The following SMARCA2 variants were observed in gnomAD, a reference collection of about 807,000 sequenced individuals.
The protein encoded by SMARCA2 is SWI/SNF related BAF chromatin remodeling complex subunit ATPase 2.
In SMARCA2, 61 loss-of-function variants were observed where a neutral mutation model predicts 199.8. That is an observed-to-expected ratio of 0.31 (90% CI 0.25 to 0.38). The LOEUF (loss-of-function observed/expected upper bound fraction) is 0.38. Ranked by LOEUF, SMARCA2 falls within the 10% of genes least tolerant of loss-of-function variation. The pLI is 1.00. For synonymous variants in SMARCA2, 935 were observed against 732.0 expected (o/e 1.28, Z -4.48); for missense variants, 1,344 against 2,012.2 (o/e 0.67, Z 6.35).
chr9:2,172,437 T>TG (rs944298527), intron 29 of SMARCA2, among the ~76,000 whole-genome samples: 15 of 98,778 alleles, frequency 1.5e-4, no homozygotes, highest in Non-Finnish European at 2.8e-4. Context: ...GGAGGATGGG[T>TG]GGGGGGGCAG....
chr9:2,084,762 CTATT>C (rs1821728428), intron 17 of SMARCA2, among the ~76,000 whole-genome samples: 3 of 152,094 alleles, frequency 2.0e-5, no homozygotes, highest in South Asian at 2.1e-4. Flanking sequence ...GTTTCTGTGA[CTATT>C]TATTTGAAAC....
intron 29 of SMARCA2, among the ~76,000 whole-genome samples, chr9:2,177,849 G>T (rs969632491): frequency 1.3e-5 from 2 of 152,214 alleles, no homozygotes; most frequent in African/African-American, 4.8e-5. Context: ...ACCGTGCCCG[G>T]CCAGAGGTAG....
chr9:2,164,758 G>A (rs534901529), intron 28 of SMARCA2, among the ~76,000 whole-genome samples: 1 of 152,278 alleles, frequency 6.6e-6, no homozygotes, highest in African/African-American at 2.4e-5. Flanking sequence ...CAGATATTGA[G>A]TAGCTTTTTC....
chr9:2,157,596 T>C (rs1825432838), intron 27 of SMARCA2: 3 of 301,196 alleles, frequency 1.0e-5, no homozygotes, highest in Admixed American at 5.1e-5. Flanking sequence ...TTTCCATGCC[T>C]TGTCTGGATA....
At position 2,115,713 on chromosome 9, in the gene SMARCA2, G is replaced by A; in HGVS notation, c.3457-109G>A. On this transcript the variant is annotated intron_variant, in intron 24 of 33. Transcript: ENST00000349721. This position sits in a 1 kb window ranked among gnomAD's most constrained non-coding sequence, Gnocchi z 6.0. ...AAAATGTAGGCAAAATCTTACCTTA[G>A]TGAAGGTGAAATACAGAACCCTTCC... is the stretch of plus-strand genomic sequence containing the variant. 1 of 800,826 alleles carries A rather than the reference G, an allele frequency of 1.2e-6. No homozygotes were observed. Among genetic ancestry groups the A allele is most frequent in the Non-Finnish European group, 2.0e-6 (1 of 498,052 alleles). 49.6% of individuals were successfully genotyped at this position (800,826 alleles called of 1,614,324 possible). A position where few individuals can be genotyped will look rare whatever the true frequency, so the allele number is the denominator to read the frequency against.
intron 25 of SMARCA2, among the ~76,000 whole-genome samples, chr9:2,117,461 T>C (rs1823263032): frequency 6.6e-6 from 1 of 152,240 alleles, no homozygotes; most frequent in Non-Finnish European, 1.5e-5. Flanking sequence ...GATACAGATA[T>C]GGAGTCAAAT....
chr9:2,139,449 A>G (rs1824362434), intron 27 of SMARCA2, among the ~76,000 whole-genome samples: 1 of 152,192 alleles, frequency 6.6e-6, no homozygotes, highest in Admixed American at 6.5e-5. Context: ...CGAGTCACCA[A>G]CACTGGTGTG....
intron 1 of SMARCA2, among the ~76,000 whole-genome samples, chr9:2,026,187 G>C (rs1818821778): frequency 6.6e-6 from 1 of 152,180 alleles, no homozygotes; most frequent in Non-Finnish European, 1.5e-5. Context: ...CGTTCTATGA[G>C]AGTCCAGATC....
chr9:2,156,414 C>CTTTTTTTTT lies in SMARCA2; in HGVS notation c.3982-5248_3982-5240dup, dbSNP rs57161267. 5.9e-4 allele frequency among the ~76,000 whole-genome samples: 41 copies of CTTTTTTTTT among 69,164 alleles called. 3 individuals are homozygous for CTTTTTTTTT. The highest frequency in any genetic ancestry group is 1.8e-3 in the African/African-American group (26 of 14,336). 45.4% of individuals were successfully genotyped at this position (69,164 alleles called of 152,430 possible). ...ATACCATAAAGTTTACCATTTTAGA[C>CTTTTTTTTT]TTTTTTTTTTTTTTTTTTTTTTTTT... On this transcript the variant is annotated intron_variant, in intron 27 of 33. Transcript: ENST00000349721.
chr9:2,073,701 G>C (rs765184612), intron 12 of SMARCA2, 78 bp downstream of exon 12: 65 of 1,076,294 alleles, frequency 6.0e-5, no homozygotes, highest in Non-Finnish European at 8.9e-5. Context: ...TGTAAGCCCG[G>C]GCCTTGGGTC....
intron 13 of SMARCA2, among the ~76,000 whole-genome samples, chr9:2,077,413 A>T (rs1821375773): frequency 6.6e-6 from 1 of 152,138 alleles, no homozygotes; most frequent in Non-Finnish European, 1.5e-5. Context: ...CGGGTTCTCC[A>T]CCTGCATAAA....
intron 27 of SMARCA2, among the ~76,000 whole-genome samples, chr9:2,154,680 A>G (rs991081503): frequency 6.6e-6 from 1 of 152,204 alleles, no homozygotes; most frequent in Non-Finnish European, 1.5e-5. Flanking sequence ...TCACACATTC[A>G]TGAAGGTGCT....
intron 21 of SMARCA2, among the ~76,000 whole-genome samples, chr9:2,097,804 G>A (rs1278059408): frequency 6.6e-6 from 1 of 152,166 alleles, no homozygotes; most frequent in Non-Finnish European, 1.5e-5. Flanking sequence ...TGAAATTGAA[G>A]ATAATGATAA....
At chr9:2,125,690 A>G (rs995098852) in intron 27 of SMARCA2, among the ~76,000 whole-genome samples, 18 of 152,064 alleles carry the variant, frequency 1.2e-4, no homozygotes, top group Non-Finnish European at 2.4e-4. Flanking sequence ...GGGTTTCACC[A>G]TGTTGGTCAG....
At chr9:2,149,445 G>A (rs936039451) in intron 27 of SMARCA2, among the ~76,000 whole-genome samples, 11 of 151,496 alleles carry the variant, frequency 7.3e-5, no homozygotes, top group East Asian at 1.9e-4. Context: ...GCTTGAACCC[G>A]GGAAGCAGAG....
chr9:2,038,467 C>T (rs1199655435), intron 3 of SMARCA2, among the ~76,000 whole-genome samples: 1 of 152,108 alleles, frequency 6.6e-6, no homozygotes, highest in African/African-American at 2.4e-5. Flanking sequence ...TGGCAAAGTC[C>T]CTGGAGAATA....
At chr9:2,034,124 A>T (rs1220699340) in intron 3 of SMARCA2, among the ~76,000 whole-genome samples, 1 of 151,162 alleles carries the variant, frequency 6.6e-6, no homozygotes, top group Non-Finnish European at 1.5e-5. Flanking sequence ...ACATGCCTGT[A>T]GTCTCAGCTA....
chr9:2,152,320 G>A (rs1245064442), intron 27 of SMARCA2, among the ~76,000 whole-genome samples: 1 of 152,084 alleles, frequency 6.6e-6, no homozygotes, highest in African/African-American at 2.4e-5. Context: ...GGGTGGCCGG[G>A]GCAGGTGGAT....
At position 2,077,741 on chromosome 9, in the gene SMARCA2, G is replaced by C. The variant is rs373755812; in HGVS notation, c.2149G>C (p.Ala717Pro). Residue 717 changes from alanine to proline, a missense_variant, in exon 14 of 34, where the codon GCC becomes CCC. By Grantham distance (27) the Ala-to-Pro change is conservative (BLOSUM62 -1). This residue lies in a region of SMARCA2 where 106 missense variants were observed against 179.7 expected (regional missense o/e 0.59). Coordinates refer to ENST00000349721, the MANE Select transcript of SMARCA2 (RefSeq NM_003070.5). ...AISERVEKQSALLINGTLKHY... is the reference protein window; with the variant it reads ...AISERVEKQSPLLINGTLKHY... ...CTCGGAGAGGGTGGAGAAACAGTCT[G>C]CCCTCCTAATTAATGGGACCCTAAA... is the stretch of plus-strand genomic sequence containing the variant. 1 of 1,613,500 alleles carries C rather than the reference G, an allele frequency of 6.2e-7. No individual in the cohort carries two copies. Among genetic ancestry groups the C allele is most frequent in the African/African-American group, 1.3e-5 (1 of 74,918 alleles).
Sources: gnomAD v4.1 joint callset for allele counts (sites outside exome capture counted in the v4.1 genomes callset) on GRCh38, gnomAD v4.1.1 for gene constraint, gnomAD v4.1.1 regional missense constraint, Gnocchi (gnomAD v3.1) non-coding constraint, MANE v1.5 for transcripts, NCBI Gene and HGNC (gene_info 2026-07-23, HGNC 2026-07-21) for gene names.